Variants in LYN observed in about 807,000 individuals in gnomAD.
LYN encodes LYN proto-oncogene, Src family tyrosine kinase, also known as tyrosine-protein kinase Lyn.
In LYN, 12 loss-of-function variants were observed where a neutral mutation model predicts 65.0. The observed-to-expected ratio is 0.18, with a 90% CI of 0.12 to 0.30. LYN has a LOEUF of 0.30. Among genes scored for constraint, LYN ranks in the 10% least tolerant of loss-of-function variants. The pLI, the probability that LYN is intolerant of heterozygous loss-of-function variation, is 1.00. For missense variants in LYN, 380 were observed against 623.2 expected (o/e 0.61, Z 4.16); for synonymous variants, 222 against 221.2 (o/e 1.00, Z -0.03).
At chr8:55,974,976 G>T (rs1165521761) in intron 10 of LYN, among the ~76,000 whole-genome samples, 1 of 152,256 alleles carries the variant, frequency 6.6e-6, no homozygotes, top group East Asian at 1.9e-4. Flanking sequence ...CCCTCCACGT[G>T]GAAATTCTCA....
intron 4 of LYN, 56 bp downstream of exon 4, chr8:55,947,779 C>A (rs1806828059): frequency 2.5e-6 from 3 of 1,188,980 alleles, no homozygotes; most frequent in African/African-American, 3.0e-5. Flanking sequence ...CTGAGTCCTG[C>A]AGGCTGTCCC....
At chr8:55,945,912 G>A (rs561262946) in intron 2 of LYN, among the ~76,000 whole-genome samples, 9 of 152,288 alleles carry the variant, frequency 5.9e-5, no homozygotes, top group Non-Finnish European at 8.8e-5. Context: ...GCAACTCCAC[G>A]AAATCACCAG....
intron 10 of LYN, among the ~76,000 whole-genome samples, chr8:55,982,490 G>A (rs1807955665): frequency 6.6e-6 from 1 of 152,178 alleles, no homozygotes; most frequent in Non-Finnish European, 1.5e-5. Flanking sequence ...ACAAGGAGCT[G>A]TACGGCTTGA....
intron 1 of LYN, among the ~76,000 whole-genome samples, chr8:55,906,193 G>A (rs1805412343): frequency 6.6e-6 from 1 of 152,090 alleles, no homozygotes; most frequent in Admixed American, 6.6e-5. Flanking sequence ...GATTTAATCG[G>A]GGTTGGTTGT....
At chr8:55,938,302 C>CTCAG (rs927558477) in intron 1 of LYN, among the ~76,000 whole-genome samples, 7 of 152,158 alleles carry the variant, frequency 4.6e-5, no homozygotes, top group African/African-American at 1.7e-4. Flanking sequence ...ATGTCAAAGC[C>CTCAG]TCAGTTACTA....
At chr8:55,989,926 G>A (rs995132635) in intron 10 of LYN, among the ~76,000 whole-genome samples, 5 of 152,098 alleles carry the variant, frequency 3.3e-5, no homozygotes, top group African/African-American at 1.2e-4. Flanking sequence ...GAGGCTTCCA[G>A]GCCATAAGTG....
chr8:55,884,966 C>T (rs1244351830), intron 1 of LYN, among the ~76,000 whole-genome samples: 2 of 152,172 alleles, frequency 1.3e-5, no homozygotes, highest in African/African-American at 4.8e-5. Context: ...ACTCAGGATA[C>T]AGTTTTCCTT....
chr8:55,935,482 G>A (rs1387765762), intron 1 of LYN, among the ~76,000 whole-genome samples: 1 of 152,140 alleles, frequency 6.6e-6, no homozygotes, highest in Non-Finnish European at 1.5e-5. Flanking sequence ...TCTTTTAAAA[G>A]TGATTTAGGT....
intron 1 of LYN, among the ~76,000 whole-genome samples, chr8:55,929,431 A>G (rs1217869069): frequency 6.6e-6 from 1 of 152,206 alleles, no homozygotes; most frequent in Non-Finnish European, 1.5e-5. Flanking sequence ...GTGTGTGTAC[A>G]GGCATAGTGG....
At chr8:55,908,222 C>CATTTATTT (rs60930363) in intron 1 of LYN, among the ~76,000 whole-genome samples, 14,846 of 142,902 alleles carry the variant, frequency 0.1, 1,252 homozygotes, top group African/African-American at 0.23. Flanking sequence ...CTGTTTAAAC[C>CATTTATTT]ATTTATTTAT....
At position 55,908,989 on chromosome 8, in the gene LYN, G is replaced by GTGTGTA. The variant is rs1379592685; in HGVS notation, c.-6+28887_-6+28888insGTGTAT. On this transcript the variant is annotated intron_variant, in intron 1 of 12. Transcript: ENST00000519728. The stretch of plus-strand genomic sequence containing the variant: ...GGCTGAATGGTATTCCATTGTGTAT[G>GTGTGTA]TATATATATATATATATATATACAC... 4.9e-4 allele frequency among the ~76,000 whole-genome samples: 10 copies of GTGTGTA among 20,392 alleles called. 1 individual carries two copies. Among genetic ancestry groups the GTGTGTA allele is most frequent in the East Asian group, 7.3e-3 (2 of 274 alleles). 13.4% of individuals were successfully genotyped at this position (20,392 alleles called of 152,430 possible).
chr8:55,975,520 C>T (rs150581197), intron 10 of LYN, among the ~76,000 whole-genome samples: 8 of 152,184 alleles, frequency 5.3e-5, no homozygotes, highest in Non-Finnish European at 8.8e-5. Flanking sequence ...TGAGGCTATG[C>T]AGATGACATT....
intron 1 of LYN, among the ~76,000 whole-genome samples, chr8:55,922,166 C>T (rs1805963575): frequency 6.6e-6 from 1 of 152,194 alleles, no homozygotes; most frequent in East Asian, 1.9e-4. Context: ...CAGCTCGCTA[C>T]AGCCTCAACC....
At chr8:56,007,051 A>G (rs1261193488) in intron 12 of LYN, among the ~76,000 whole-genome samples, 1 of 152,128 alleles carries the variant, frequency 6.6e-6, no homozygotes, top group Non-Finnish European at 1.5e-5. Context: ...GAGCTAGGAG[A>G]ACATACTGGA....
chr8:55,929,100 A>G (rs577646036), intron 1 of LYN, among the ~76,000 whole-genome samples: 1 of 152,320 alleles, frequency 6.6e-6, no homozygotes, highest in African/African-American at 2.4e-5. Flanking sequence ...TCAGTTGACT[A>G]TATTTGTGTG....
intron 1 of LYN, among the ~76,000 whole-genome samples, chr8:55,915,056 T>TG (rs1386180190): frequency 6.6e-6 from 1 of 152,234 alleles, no homozygotes; most frequent in African/African-American, 2.4e-5. Flanking sequence ...TTATAATACT[T>TG]ACTGTATTAA....
chr8:55,883,190 TAC>T lies in LYN; in HGVS notation c.-6+3089_-6+3090del, dbSNP rs538054183. Among the ~76,000 whole-genome samples, 31 of 152,348 alleles carry T rather than the reference TAC, an allele frequency of 2.0e-4. No individual in the cohort carries two copies. In the South Asian group the frequency reaches 6.4e-3, roughly 32 times the overall value. On this transcript the variant is annotated intron_variant, in intron 1 of 12. Coordinates refer to ENST00000519728, the MANE Select transcript of LYN (RefSeq NM_002350.4). Reference sequence around the variant, plus strand: ...GAAATGGTTGTATGGGTACTTGAAGTACAGTTTTTATTGAATGCCTAATGCTT... The same window carrying T: ...GAAATGGTTGTATGGGTACTTGAAGTAGTTTTTATTGAATGCCTAATGCTT...
chr8:56,002,350 C>T (rs1219315539), intron 12 of LYN, among the ~76,000 whole-genome samples: 8 of 151,496 alleles, frequency 5.3e-5, no homozygotes, highest in East Asian at 1.9e-4. Context: ...ACCTGGGAGG[C>T]GGAGCTTGCA....
intron 1 of LYN, among the ~76,000 whole-genome samples, chr8:55,913,177 C>G (rs1335210118): frequency 2.6e-5 from 4 of 152,120 alleles, no homozygotes; most frequent in Non-Finnish European, 5.9e-5. Flanking sequence ...TTTCCCTGGG[C>G]CCCTCTGTTA....
Sources: allele counts gnomAD v4.1 joint callset (sites outside exome capture counted in the v4.1 genomes callset), GRCh38; gene constraint gnomAD v4.1.1; transcripts MANE v1.5; gene names NCBI Gene and HGNC (gene_info 2026-07-23, HGNC 2026-07-21).